KPNA7: variants seen among roughly 807,000 people sequenced by gnomAD.
KPNA7 encodes importin subunit alpha-8.
KPNA7 carries 54 observed loss-of-function variants against 53.7 expected under a neutral mutation model. That is an observed-to-expected ratio of 1.01 (90% confidence interval 0.81 to 1.26). The LOEUF (loss-of-function observed/expected upper bound fraction) is 1.26, where lower values mean the gene tolerates loss of function less well. Ranked by LOEUF, KPNA7 falls within the 50% of genes most tolerant of loss-of-function variation. KPNA7 has a pLI of 0.00. For missense variants in KPNA7, 640 were observed against 644.5 expected (o/e 0.99, Z 0.07); for synonymous variants, 276 against 259.3 (o/e 1.06, Z -0.62).
At chr7:99,190,974 T>C (rs1789918331) in intron 6 of KPNA7, among the ~76,000 whole-genome samples, 1 of 151,984 alleles carries the variant, frequency 6.6e-6, no homozygotes, top group African/African-American at 2.4e-5. Context: ...TCGCCTCAAC[T>C]TCATGCCTGC....
chr7:99,163,997 A>G, the KPNA7 span, among the ~76,000 whole-genome samples: 1,748 of 151,948 alleles, frequency 0.012, 33 homozygotes, highest in African/African-American at 0.041. Context: ...AATAGGTGCT[A>G]GAGAGGATGT....
At chr7:99,209,682 CAAAAAAA>C (rs60377276), upstream of KPNA7, among the ~76,000 whole-genome samples, 35 of 73,528 alleles carry the variant, frequency 4.8e-4, no homozygotes, top group African/African-American at 1.4e-3. Context: ...GACTCCAACT[CAAAAAAA>C]AAAAAAAAAA....
chr7:99,151,463 T>C, the KPNA7 span, among the ~76,000 whole-genome samples: 1 of 151,642 alleles, frequency 6.6e-6, no homozygotes, highest in South Asian at 2.1e-4. Flanking sequence ...TTTTGGTTTT[T>C]TTTTTGAGAC....
Position 99,181,023 on chromosome 7 carries a change from G to GTCTCTC in KPNA7, c.1317+854_1317+859dup, listed in dbSNP as rs1554462254. Among the ~76,000 whole-genome samples the GTCTCTC allele has an allele frequency of 4.8e-3, 16 of 3,362 alleles. 6 individuals are homozygous for GTCTCTC. Among genetic ancestry groups the GTCTCTC allele is most frequent in the Admixed American group, 8.8e-3 (3 of 340 alleles). The allele number at this position is 3,362 out of a possible 152,430, so 2.2% of individuals were successfully genotyped here. On this transcript the variant is annotated intron_variant, in intron 9 of 10. Coordinates refer to ENST00000327442, the MANE Select transcript of KPNA7 (RefSeq NM_001145715.3). ...TCTGTCTCTCTCTCTCTGTGTGTGT[G>GTCTCTC]TCTCTCTGTGTGTGTCTCTCTCTCT...
chr7:99,200,671 T>TC (rs1790477632), intron 3 of KPNA7, among the ~76,000 whole-genome samples: 1 of 151,250 alleles, frequency 6.6e-6, no homozygotes, highest in South Asian at 2.1e-4. Context: ...CAACCCAAAG[T>TC]CCCCCAATTA....
At chr7:99,183,099 A>G (rs925330348) in intron 8 of KPNA7, among the ~76,000 whole-genome samples, 2 of 152,080 alleles carry the variant, frequency 1.3e-5, no homozygotes, top group Non-Finnish European at 2.9e-5. Flanking sequence ...CTATTAAAAT[A>G]CAAAAAATTA....
At chr7:99,213,717 C>T (rs1056280748) in intron 1 of KPNA7, among the ~76,000 whole-genome samples, 9 of 151,920 alleles carry the variant, frequency 5.9e-5, no homozygotes, top group African/African-American at 2.2e-4. Flanking sequence ...CTCAAGCAAT[C>T]CTCTCACCTC....
downstream of KPNA7, among the ~76,000 whole-genome samples, chr7:99,173,157 T>C (rs1267863926): frequency 1.3e-5 from 2 of 152,024 alleles, no homozygotes; most frequent in Non-Finnish European, 2.9e-5. Context: ...TTTAAGACCT[T>C]TTAAAAGGCA....
At chr7:99,159,404 G>A in the KPNA7 span, among the ~76,000 whole-genome samples, 901 of 151,174 alleles carry the variant, frequency 6.0e-3, 13 homozygotes, top group African/African-American at 0.021. Context: ...TGCCAGGTGG[G>A]GCAGGGGGCA....
downstream of KPNA7, among the ~76,000 whole-genome samples, chr7:99,173,046 G>A (rs1208650923): frequency 1.0e-5 from 1 of 96,552 alleles, no homozygotes; most frequent in African/African-American, 4.4e-5. Flanking sequence ...TGGGTGACAA[G>A]ACCGAAACTC....
chr7:99,210,007 A>G (rs1791018572), upstream of KPNA7, among the ~76,000 whole-genome samples: 1 of 151,820 alleles, frequency 6.6e-6, no homozygotes, highest in Non-Finnish European at 1.5e-5. Flanking sequence ...CCCTGTCTCC[A>G]AAACAAACAA....
At position 99,188,290 on chromosome 7, in the gene KPNA7, T is replaced by C. The variant is rs1329042025; in HGVS notation, c.900+10A>G. ...GGACTCGAATCCACAGGGCCCAGGA[T>C]TGCATTTACCAAGACATTGAGTTCT... is the stretch of plus-strand genomic sequence containing the variant. On this transcript the variant is annotated intron_variant, in intron 7 of 10. Coordinates refer to ENST00000327442, the MANE Select transcript of KPNA7 (RefSeq NM_001145715.3). 1.9e-6 allele frequency: 3 copies of C among 1,548,634 alleles called. No homozygotes were observed. The African/African-American group carries it at 4.1e-5, about 21-fold the overall frequency.
chr7:99,196,289 G>C (rs898475079), intron 3 of KPNA7, 123 bp from the exon 4 acceptor site: 1 of 670,916 alleles, frequency 1.5e-6, no homozygotes, highest in African/African-American at 1.8e-5. Context: ...CATCTTGCAT[G>C]CTGTTCTATA....
chr7:99,180,001 G>T (rs1166963480), intron 9 of KPNA7, among the ~76,000 whole-genome samples: 6 of 152,304 alleles, frequency 3.9e-5, no homozygotes, highest in African/African-American at 7.2e-5. Flanking sequence ...GAATGGGGAT[G>T]ACCTGTGTAA....
At chr7:99,196,778 C>T (rs1790250737) in intron 3 of KPNA7, among the ~76,000 whole-genome samples, 3 of 152,132 alleles carry the variant, frequency 2.0e-5, no homozygotes, top group South Asian at 4.1e-4. Flanking sequence ...TTTGGAGCCT[C>T]ATTCCCAGAA....
the KPNA7 span, among the ~76,000 whole-genome samples, chr7:99,158,607 G>A: frequency 6.6e-6 from 1 of 151,992 alleles, no homozygotes; most frequent in Non-Finnish European, 1.5e-5. Flanking sequence ...GAGTTCAAGC[G>A]ATTCTCATGC....
intron 1 of KPNA7, among the ~76,000 whole-genome samples, chr7:99,213,431 A>T (rs1442944436): frequency 8.8e-3 from 82 of 9,334 alleles, no homozygotes; most frequent in Non-Finnish European, 0.034. Context: ...CTGGCCTTTT[A>T]AAAAAAAAAA....
chr7:99,218,560 C>G (rs767644686), intron 1 of KPNA7, among the ~76,000 whole-genome samples: 1 of 152,154 alleles, frequency 6.6e-6, no homozygotes, highest in Non-Finnish European at 1.5e-5. Flanking sequence ...CCAGACACCC[C>G]GCAAGCCCGC....
At chr7:99,156,012 T>C in the KPNA7 span, among the ~76,000 whole-genome samples, 1 of 152,332 alleles carries the variant, frequency 6.6e-6, no homozygotes, top group East Asian at 1.9e-4. Flanking sequence ...CTGTCTGTTC[T>C]AATATGGAAA....
Sources: allele counts gnomAD v4.1 joint callset (sites outside exome capture counted in the v4.1 genomes callset), GRCh38; gene constraint gnomAD v4.1.1; transcripts MANE v1.5; gene names NCBI Gene and HGNC (gene_info 2026-07-23, HGNC 2026-07-21).